The following DUSP18 variants were observed in gnomAD, a reference collection of about 807,000 sequenced individuals.
The protein encoded by DUSP18 is dual specificity phosphatase 18, also known as dual specificity protein phosphatase 18.
A neutral mutation model predicts 6.3 loss-of-function variants in DUSP18; 4 were observed. The ratio of observed to expected loss-of-function variants is 0.63; its 90% confidence interval spans 0.31 to 1.45. The LOEUF (loss-of-function observed/expected upper bound fraction) is 1.45. DUSP18 is among the 40% of genes most tolerant of loss of function. The pLI, the probability that DUSP18 is intolerant of heterozygous loss-of-function variation, is 0.07. For synonymous variants in DUSP18, 96 were observed against 95.1 expected, an observed-to-expected ratio of 1.01 and a Z score of -0.05; for missense variants, 235 against 247.7, an observed-to-expected ratio of 0.95 and a Z score of 0.34.
chr22:30,655,415 G>C (rs994231774), intron 2 of DUSP18, among the ~76,000 whole-genome samples: 2 of 111,176 alleles, frequency 1.8e-5, no homozygotes, highest in African/African-American at 3.6e-5. Context: ...CTGGGTAACA[G>C]AGTGAGATCC....
At chr22:30,655,975 C>T (rs555171309) in intron 2 of DUSP18, among the ~76,000 whole-genome samples, 1 of 151,802 alleles carries the variant, frequency 6.6e-6, no homozygotes, top group African/African-American at 2.4e-5. Context: ...TGAGGCACCA[C>T]TGCACTGCAT....
chr22:30,654,541 CG>C, intron 2 of DUSP18: 1 of 438,524 alleles, frequency 2.3e-6, no homozygotes, highest in Non-Finnish European at 4.6e-6. Flanking sequence ...CTTGGTCTCG[CG>C]GGGCAGCATG....
rs2088545911 is a variant in DUSP18 at position 30,663,521 on chromosome 22, C to T, written c.483G>A (p.Lys161=). The T allele has an allele frequency of 6.2e-7, 1 of 1,614,186 alleles. No homozygotes were observed. Among genetic ancestry groups the T allele is most frequent in the Non-Finnish European group, 8.5e-7 (1 of 1,180,034 alleles). The part of the protein sequence containing the change: ...LIHYEFQLFG[K]NTVHMVSSPV... ...GGGAACTGACCATGTGCACAGTGTTCTTGCCAAACAATTGGAACTCATAGT... is the reference window on the plus strand; with the variant it reads ...GGGAACTGACCATGTGCACAGTGTTTTTGCCAAACAATTGGAACTCATAGT... The change falls in exon 2 of 2, where the codon AAG becomes AAA. Residue 161 remains lysine (K), a synonymous_variant. Transcript: ENST00000334679.
rs1569070920 is a variant in DUSP18 at position 30,663,471 on chromosome 22, T to TAG, written c.531_532dup (p.Tyr178SerfsTer8). ...AATCATCAAACGGACTTCCTTCTCA[T>TAG]AGATGTCAGGGATCATTCCCACTGG... On this transcript the variant is annotated frameshift_variant, in exon 2 of 2. Coordinates refer to ENST00000334679, the MANE Select transcript of DUSP18 (RefSeq NM_152511.5). LOFTEE classifies it high-confidence loss of function. 6.2e-7 allele frequency: 1 copy of TAG among 1,612,666 alleles called. No individual in the cohort carries two copies. The highest frequency in any genetic ancestry group is 1.1e-5 in the South Asian group (1 of 91,072).
intron 1 of DUSP18, chr22:30,664,916 G>A (rs1351112190): frequency 6.6e-6 from 1 of 152,558 alleles, no homozygotes; most frequent in Non-Finnish European, 1.5e-5. Flanking sequence ...GCAGAGCTGT[G>A]AAACACACCC....
chr22:30,665,598 T>TC (rs1415535220), intron 1 of DUSP18: 1 of 467,542 alleles, frequency 2.1e-6, no homozygotes, highest in Non-Finnish European at 4.4e-6. Context: ...ATCACACCCC[T>TC]CCCTCACGTT....
intron 2 of DUSP18, among the ~76,000 whole-genome samples, chr22:30,652,713 T>A (rs899759476): frequency 6.6e-6 from 1 of 152,254 alleles, no homozygotes; most frequent in African/African-American, 2.4e-5. Context: ...GGCTTCTCCA[T>A]AGGGCCCCTT....
At chr22:30,665,550 CAACTT>C in intron 1 of DUSP18, 1 of 471,010 alleles carries the variant, frequency 2.1e-6, no homozygotes, top group Non-Finnish European at 4.4e-6. Flanking sequence ...CTTAAGATAT[CAACTT>C]AAAGGTAACT....
chr22:30,658,265 G>A (rs989139199), downstream of DUSP18, among the ~76,000 whole-genome samples: 9 of 151,928 alleles, frequency 5.9e-5, no homozygotes, highest in East Asian at 1.6e-3. Context: ...AAGGCTGGGT[G>A]CGGTTGCTCA....
chr22:30,664,770 G>C lies in DUSP18; in HGVS notation c.-77-690C>G, dbSNP rs563511673. Among the ~76,000 whole-genome samples the C allele has an allele frequency of 3.9e-5, 6 of 152,348 alleles. No individual in the cohort carries two copies. In the East Asian group the frequency reaches 1.2e-3, roughly 29 times the overall value. ...AGACATGCTCCTGCACCTTGCCTCTGAAGAAGGCCTGGGAAAGGGAGTGGC... is the reference window on the plus strand; with the variant it reads ...AGACATGCTCCTGCACCTTGCCTCTCAAGAAGGCCTGGGAAAGGGAGTGGC... On this transcript the variant is annotated intron_variant, in intron 1 of 1. Transcript: ENST00000334679.
chr22:30,661,244 C>T (rs1230927695), downstream of DUSP18, among the ~76,000 whole-genome samples: 1 of 152,104 alleles, frequency 6.6e-6, no homozygotes, highest in Admixed American at 6.5e-5. Context: ...TCATGGATCT[C>T]AAATCCAAAA....
intron 1 of DUSP18, 50 bp from the exon 2 acceptor site, chr22:30,664,130 T>G: frequency 1.2e-6 from 1 of 821,790 alleles, no homozygotes; most frequent in Admixed American, 2.6e-5. Flanking sequence ...GAGGGCCAAT[T>G]CCAGGGGATC....
chr22:30,666,348 C>T (rs1205479689), intron 1 of DUSP18, among the ~76,000 whole-genome samples: 2 of 152,072 alleles, frequency 1.3e-5, no homozygotes, highest in Non-Finnish European at 1.5e-5. Context: ...GGGCTGGGCA[C>T]GGTGGCTTAA....
intron 1 of DUSP18, chr22:30,665,005 G>A (rs879447404): frequency 5.2e-5 from 8 of 152,694 alleles, no homozygotes; most frequent in Non-Finnish European, 1.0e-4. Flanking sequence ...AGGTTCAGCC[G>A]CAGATCTGCT....
chr22:30,655,454 A>C (rs1415590737), intron 2 of DUSP18, among the ~76,000 whole-genome samples: 1 of 150,780 alleles, frequency 6.6e-6, no homozygotes, highest in African/African-American at 2.4e-5. Flanking sequence ...AAAAAGAAAA[A>C]GAAAAAAAGA....
In DUSP18 at chr22:30,663,461, T is replaced by C. The variant is rs770851547; in HGVS notation, c.543A>G (p.Glu181=). The change falls in exon 2 of 2, where the codon GAA becomes GAG. Residue 181 remains glutamate, a synonymous_variant. Transcript: ENST00000334679. ...CTCACAGTGGAATCATCAAACGGACTTCCTTCTCATAGATGTCAGGGATCA... is the reference window on the plus strand; with the variant it reads ...CTCACAGTGGAATCATCAAACGGACCTCCTTCTCATAGATGTCAGGGATCA... ...VGMIPDIYEK[E]VRLMIPL is the part of the protein sequence containing the mutation. 2 of 1,611,836 alleles carry C rather than the reference T, an allele frequency of 1.2e-6. No individual in the cohort carries two copies. Among genetic ancestry groups the C allele is most frequent in the Non-Finnish European group, 1.7e-6 (2 of 1,177,978 alleles).
At chr22:30,658,111 ATTTT>A (rs997985700), downstream of DUSP18, among the ~76,000 whole-genome samples, 5 of 146,272 alleles carry the variant, frequency 3.4e-5, no homozygotes, top group African/African-American at 1.0e-4. Context: ...TTCAAAATAA[ATTTT>A]TTTTTTTAGT....
In DUSP18 at chr22:30,662,476, G is replaced by A. The variant is rs1221996404; in HGVS notation, c.*961C>T. 6.6e-6 allele frequency: 1 copy of A among 152,164 alleles called. No homozygotes were observed. The highest frequency in any genetic ancestry group is 1.5e-5 in the Non-Finnish European group (1 of 68,040). The allele number at this position is 152,164 out of a possible 1,614,324, so 9.4% of individuals were successfully genotyped here. ...ACACCATCTTTTGCCAAAGTTTGGT[G>A]AGGGATGGCCAAGAGCTCTTTGAAA... is the stretch of plus-strand genomic sequence containing the variant. On this transcript the variant is annotated 3_prime_UTR_variant, in exon 2 of 2. Coordinates refer to ENST00000334679, the MANE Select transcript of DUSP18 (RefSeq NM_152511.5).
At chr22:30,665,890 A>G (rs979489302) in intron 1 of DUSP18, among the ~76,000 whole-genome samples, 12 of 152,106 alleles carry the variant, frequency 7.9e-5, no homozygotes, top group African/African-American at 2.7e-4. Flanking sequence ...GGTTTTCTGG[A>G]AAGAATGAGT....
Sources: gnomAD v4.1 joint callset for allele counts (sites outside exome capture counted in the v4.1 genomes callset) on GRCh38, gnomAD v4.1.1 for gene constraint, MANE v1.5 for transcripts, NCBI Gene and HGNC (gene_info 2026-07-23, HGNC 2026-07-21) for gene names.